SLC30A8: variants seen among roughly 807,000 people sequenced by gnomAD.
SLC30A8 encodes solute carrier family 30 member 8, also known as proton-coupled zinc antiporter SLC30A8.
Under a neutral mutation model 36.9 loss-of-function variants are expected in SLC30A8, and 27 were observed. That is an observed-to-expected ratio of 0.73 (90% CI 0.54 to 1.01). The LOEUF is 1.01. Ranked by LOEUF, SLC30A8 falls within the 50% of genes least tolerant of loss-of-function variation. The pLI, the probability that SLC30A8 is intolerant of heterozygous loss-of-function variation, is 0.00. For missense variants in SLC30A8, 439 were observed against 452.0 expected (o/e 0.97, Z 0.26); for synonymous variants, 164 against 172.4 (o/e 0.95, Z 0.38).
intron 1 of SLC30A8, chr8:117,007,098 G>C (rs3019881): frequency 6.7e-6 from 1 of 149,472 alleles, no homozygotes; most frequent in African/African-American, 2.5e-5. Context: ...GAGCCACCGC[G>C]CCCCGGGGGA....
intron 2 of SLC30A8, among the ~76,000 whole-genome samples, chr8:117,061,528 T>C (rs1287138942): frequency 6.6e-6 from 1 of 152,258 alleles, no homozygotes; most frequent in Admixed American, 6.5e-5. Flanking sequence ...TCATAAAATG[T>C]ATCCTAGGCT....
chr8:117,047,941 C>T (rs978993971), intron 2 of SLC30A8, among the ~76,000 whole-genome samples: 1 of 152,170 alleles, frequency 6.6e-6, no homozygotes, highest in African/African-American at 2.4e-5. Flanking sequence ...TTTACAAATG[C>T]CATGGCAACA....
In SLC30A8 at chr8:117,161,819, T is replaced by C; in HGVS notation, c.654T>C (p.Phe218=). 1 of 1,614,032 alleles carries C rather than the reference T, an allele frequency of 6.2e-7. No individual in the cohort carries two copies. Among genetic ancestry groups the C allele is most frequent in the Non-Finnish European group, 8.5e-7 (1 of 1,179,918 alleles). Residue 218 remains phenylalanine (F), a synonymous_variant, in exon 5 of 8, where the codon TTT becomes TTC. Transcript: ENST00000456015. ...VQANASVRAA[F]VHALGDLFQS... is the part of the protein sequence containing the mutation. ...CCAATGCCAGCGTCAGAGCTGCTTTTGTGCATGCCCTTGGAGATCTATTTC... is the reference window on the plus strand; with the variant it reads ...CCAATGCCAGCGTCAGAGCTGCTTTCGTGCATGCCCTTGGAGATCTATTTC...
chr8:117,070,190 T>C (rs114204633), intron 2 of SLC30A8, among the ~76,000 whole-genome samples: 1 of 152,190 alleles, frequency 6.6e-6, no homozygotes, highest in South Asian at 2.1e-4. Flanking sequence ...ATCTAATGAA[T>C]CAAATAATGA....
At position 117,175,561 on chromosome 8, in the gene SLC30A8, C is replaced by T. The variant is rs1168217895; in HGVS notation, c.*2880C>T. The T allele has an allele frequency of 6.6e-6, 1 of 152,092 alleles. No individual in the cohort carries two copies. The highest frequency in any genetic ancestry group is 2.4e-5 in the African/African-American group (1 of 41,426). The allele number at this position is 152,092 out of a possible 1,614,324, so 9.4% of individuals were successfully genotyped here. A position where few individuals can be genotyped will look rare whatever the true frequency, so the allele number is the denominator to read the frequency against. ...TGACCTCGAGCTAGTTACTTAAATG[C>T]TCTGATCCTCTATTTCCTGATCAGT... is the stretch of plus-strand genomic sequence containing the variant. On this transcript the variant is annotated 3_prime_UTR_variant, in exon 8 of 8. Coordinates refer to ENST00000456015, the MANE Select transcript of SLC30A8 (RefSeq NM_173851.3).
intron 1 of SLC30A8, among the ~76,000 whole-genome samples, chr8:116,999,058 A>G (rs1211613758): frequency 6.6e-6 from 1 of 152,222 alleles, no homozygotes; most frequent in Non-Finnish European, 1.5e-5. Context: ...CAGGAGTTTG[A>G]GACCAGCCTG....
chr8:116,950,258 G>A (rs185206403), upstream of SLC30A8: 42 of 165,678 alleles, frequency 2.5e-4, no homozygotes, highest in African/African-American at 9.3e-4. Flanking sequence ...CGCTGAGAGC[G>A]AGCAAGGGCT....
intron 2 of SLC30A8, among the ~76,000 whole-genome samples, chr8:117,120,850 A>T (rs1820667149): frequency 6.6e-6 from 1 of 151,862 alleles, no homozygotes; most frequent in Non-Finnish European, 1.5e-5. Context: ...CCAAAAAAAT[A>T]TATTCAAAGG....
chr8:117,156,750 G>A (rs1249048970), intron 3 of SLC30A8, among the ~76,000 whole-genome samples: 1 of 152,202 alleles, frequency 6.6e-6, no homozygotes, highest in African/African-American at 2.4e-5. Flanking sequence ...ATATCGAGTG[G>A]TTAATAAGAC....
chr8:117,114,763 A>C (rs186164313), intron 2 of SLC30A8, among the ~76,000 whole-genome samples: 23 of 152,248 alleles, frequency 1.5e-4, no homozygotes, highest in Middle Eastern at 3.4e-3. Flanking sequence ...ATTCCATAGC[A>C]GTGTGAAAAT....
intron 2 of SLC30A8, among the ~76,000 whole-genome samples, chr8:117,053,137 T>A (rs947544331): frequency 1.3e-5 from 2 of 152,118 alleles, no homozygotes; most frequent in Non-Finnish European, 2.9e-5. Flanking sequence ...ATGGTCTCGA[T>A]CTCCTGGCCT....
At chr8:117,029,083 A>G (rs990536669) in intron 1 of SLC30A8, among the ~76,000 whole-genome samples, 1 of 152,208 alleles carries the variant, frequency 6.6e-6, no homozygotes, top group African/African-American at 2.4e-5. Flanking sequence ...TCTGTTTCCA[A>G]AATTTTCTAA....
chr8:117,020,274 A>G (rs1816658333), intron 1 of SLC30A8, among the ~76,000 whole-genome samples: 2 of 152,214 alleles, frequency 1.3e-5, no homozygotes, highest in Admixed American at 1.3e-4. Flanking sequence ...CCATTCTACA[A>G]TGAAAAGCCA....
At chr8:116,981,586 G>C (rs192908969) in intron 1 of SLC30A8, among the ~76,000 whole-genome samples, 1 of 151,992 alleles carries the variant, frequency 6.6e-6, no homozygotes, top group Non-Finnish European at 1.5e-5. Context: ...CCCTCAAGCA[G>C]GTCCTAGTAT....
chr8:117,153,453 C>T (rs1822298200), intron 3 of SLC30A8, among the ~76,000 whole-genome samples: 1 of 152,130 alleles, frequency 6.6e-6, no homozygotes, highest in African/African-American at 2.4e-5. Flanking sequence ...AAATGAGGCA[C>T]AGAGCACCCA....
intron 2 of SLC30A8, among the ~76,000 whole-genome samples, chr8:117,110,776 C>A (rs1820192667): frequency 6.6e-6 from 1 of 152,130 alleles, no homozygotes; most frequent in Admixed American, 6.5e-5. Context: ...AAGGAATAAT[C>A]CTAATTATAA....
intron 1 of SLC30A8, chr8:117,017,816 G>A (rs1816566691): frequency 6.6e-6 from 1 of 152,200 alleles, no homozygotes; most frequent in African/African-American, 2.4e-5. Flanking sequence ...TTATTAATGA[G>A]TTCATTTAGG....
intron 1 of SLC30A8, among the ~76,000 whole-genome samples, chr8:117,141,859 C>T (rs1005807934): frequency 2.6e-5 from 4 of 152,164 alleles, no homozygotes; most frequent in Non-Finnish European, 4.4e-5. Context: ...GTGCATTCAT[C>T]TTGTTCCAGT....
At chr8:117,033,748 G>A (rs1400620460) in intron 1 of SLC30A8, among the ~76,000 whole-genome samples, 1 of 152,194 alleles carries the variant, frequency 6.6e-6, no homozygotes, top group Non-Finnish European at 1.5e-5. Context: ...CTTTGAAGAT[G>A]TAGGGAGGTC....
Sources: allele counts gnomAD v4.1 joint callset (sites outside exome capture counted in the v4.1 genomes callset), GRCh38; gene constraint gnomAD v4.1.1; transcripts MANE v1.5; gene names NCBI Gene and HGNC (gene_info 2026-07-23, HGNC 2026-07-21).